The following SUPT5H variants were observed in gnomAD, a reference collection of about 807,000 sequenced individuals.
The protein encoded by SUPT5H is transcription elongation factor SPT5.
SUPT5H carries 24 observed loss-of-function variants against 142.5 expected under a neutral mutation model. The observed-to-expected ratio is 0.17, with a 90% confidence interval of 0.12 to 0.24. The LOEUF (loss-of-function observed/expected upper bound fraction) is 0.24. SUPT5H is among the 10% of genes least tolerant of loss of function. The pLI is 1.00. For missense variants in SUPT5H, 893 were observed against 1,471.8 expected (o/e 0.61, Z 6.43); for synonymous variants, 546 against 553.0 (o/e 0.99, Z 0.18).
chr19:39,467,040 T>C (rs2079249547), intron 13 of SUPT5H: 1 of 268,198 alleles, frequency 3.7e-6, no homozygotes, highest in Admixed American at 4.9e-5. Flanking sequence ...GATCCCATCT[T>C]TTAAAATAAT....
chr19:39,451,529 G>A (rs184859590), intron 2 of SUPT5H, among the ~76,000 whole-genome samples: 2 of 151,894 alleles, frequency 1.3e-5, no homozygotes, highest in East Asian at 3.9e-4. Context: ...TCAGATTTCA[G>A]TTTTTTGTTT....
At chr19:39,460,744 C>G (rs1413064209) in intron 10 of SUPT5H, among the ~76,000 whole-genome samples, 1 of 152,150 alleles carries the variant, frequency 6.6e-6, no homozygotes, top group African/African-American at 2.4e-5. Context: ...TTATGTCCAG[C>G]TCTCAGCTAG....
chr19:39,445,791 TTTC>T lies in SUPT5H; in HGVS notation c.-87-8_-87-6del. On this transcript the variant is annotated splice_polypyrimidine_tract_variant and intron_variant, in intron 1 of 29. Transcript: ENST00000432763. Reference sequence around the variant, plus strand: ...GCCTGCCGGAAGCGCCCTAAGGGGTTTTCTTCTCCCAGGGAACCAGCGGGGAAA... The same window carrying T: ...GCCTGCCGGAAGCGCCCTAAGGGGTTTTCTCCCAGGGAACCAGCGGGGAAA... 1 of 1,460,072 alleles carries T rather than the reference TTTC, an allele frequency of 6.8e-7. No individual in the cohort carries two copies. The highest frequency in any genetic ancestry group is 9.4e-7 in the Non-Finnish European group (1 of 1,066,242). 90.4% of individuals were successfully genotyped at this position (1,460,072 alleles called of 1,614,324 possible). A position where few individuals can be genotyped will look rare whatever the true frequency, so the allele number is the denominator to read the frequency against.
chr19:39,446,360 G>A (rs2078954546), intron 2 of SUPT5H, among the ~76,000 whole-genome samples: 1 of 152,166 alleles, frequency 6.6e-6, no homozygotes, highest in Non-Finnish European at 1.5e-5. Flanking sequence ...CTTCGGGAAT[G>A]TAAATAAATA....
chr19:39,470,673 C>T lies in SUPT5H; in HGVS notation c.1677+150C>T. ...ACATCTGAATGGCTGATAGTGGGCA[C>T]ATGGCAAGTCATTGATCCCTCCCCT... is the stretch of plus-strand genomic sequence containing the variant. On this transcript the variant is annotated intron_variant, in intron 18 of 29. Coordinates refer to ENST00000432763, the MANE Select transcript of SUPT5H (RefSeq NM_001111020.3). The surrounding 1 kb of genome is among the most constrained non-coding windows in gnomAD (Gnocchi z 5.8). 1 of 862,862 alleles carries T rather than the reference C, an allele frequency of 1.2e-6. No homozygotes were observed. Among genetic ancestry groups the T allele is most frequent in the South Asian group, 2.4e-5 (1 of 42,004 alleles). The allele number at this position is 862,862 out of a possible 1,614,324, so 53.5% of individuals were successfully genotyped here. A position where few individuals can be genotyped will look rare whatever the true frequency, so the allele number is the denominator to read the frequency against.
intron 4 of SUPT5H, 129 bp downstream of exon 4, chr19:39,457,869 C>T (rs1212431251): frequency 6.8e-7 from 1 of 1,470,866 alleles, no homozygotes; most frequent in Non-Finnish European, 9.2e-7. Flanking sequence ...TTGCTTCTTT[C>T]TGTCCTTCCC....
chr19:39,458,127 C>T lies in SUPT5H; in HGVS notation c.308-167C>T, dbSNP rs1162021582. On this transcript the variant is annotated intron_variant, in intron 4 of 29. Transcript: ENST00000432763. The surrounding 1 kb of genome is among the most constrained non-coding windows in gnomAD (Gnocchi z 4.2). ...TTCTCCCCAACCACCTGGTGCCTGGCCTTTACTTTTGGTTTTCAACCTTTC... is the reference window on the plus strand; with the variant it reads ...TTCTCCCCAACCACCTGGTGCCTGGTCTTTACTTTTGGTTTTCAACCTTTC... 9.9e-5 allele frequency: 118 copies of T among 1,197,754 alleles called. No individual in the cohort carries two copies. Among genetic ancestry groups the T allele is most frequent in the Non-Finnish European group, 1.4e-4 (118 of 872,658 alleles). 74.2% of individuals were successfully genotyped at this position (1,197,754 alleles called of 1,614,324 possible). A position where few individuals can be genotyped will look rare whatever the true frequency, so the allele number is the denominator to read the frequency against.
intron 11 of SUPT5H, among the ~76,000 whole-genome samples, chr19:39,465,538 A>C (rs2079223705): frequency 6.6e-6 from 1 of 152,240 alleles, no homozygotes; most frequent in Non-Finnish European, 1.5e-5. Flanking sequence ...ATGTTTCCCC[A>C]GGGGACATTT....
At chr19:39,456,400 G>GTTT (rs1555742917) in intron 3 of SUPT5H, among the ~76,000 whole-genome samples, 3 of 81,546 alleles carry the variant, frequency 3.7e-5, no homozygotes, top group East Asian at 6.5e-4. Flanking sequence ...TGACTAGACT[G>GTTT]TTTTTTTTTG....
Position 39,458,474 on chromosome 19 carries a change from C to A in SUPT5H, c.319+169C>A. The A allele has an allele frequency of 1.6e-6, 2 of 1,248,152 alleles. No homozygotes were observed. Among genetic ancestry groups the A allele is most frequent in the Admixed American group, 2.2e-5 (1 of 44,662 alleles). The allele number at this position is 1,248,152 out of a possible 1,614,324, so 77.3% of individuals were successfully genotyped here. On this transcript the variant is annotated intron_variant, in intron 5 of 29. Coordinates refer to ENST00000432763, the MANE Select transcript of SUPT5H (RefSeq NM_001111020.3). The surrounding 1 kb of genome is among the most constrained non-coding windows in gnomAD (Gnocchi z 4.2). The stretch of plus-strand genomic sequence containing the variant: ...CAGGGAGTTCTGGGGCCAGGTATAC[C>A]CCAGTTGTTGACCTGGGAAAGCACG...
rs1831381556 is a variant in SUPT5H, at chr19:39,472,708, A to AC, written c.2036-99dup. 4 of 1,494,342 alleles carry AC rather than the reference A, an allele frequency of 2.7e-6. No individual in the cohort carries two copies. In the African/African-American group the frequency reaches 4.2e-5, roughly 16 times the overall value. 92.6% of individuals were successfully genotyped at this position (1,494,342 alleles called of 1,614,324 possible). On this transcript the variant is annotated intron_variant, in intron 21 of 29. Transcript: ENST00000432763. This position sits in a 1 kb window ranked among gnomAD's most constrained non-coding sequence, Gnocchi z 4.2. ...CAGGGGTGGGCAGAGGAGGCTCTTA[A>AC]CCCAAGTAGGGAGGAGTCAAGCAAG...
At position 39,473,348 on chromosome 19, in the gene SUPT5H, A is replaced by C; in HGVS notation, c.2386+18A>C. 1 of 1,613,520 alleles carries C rather than the reference A, an allele frequency of 6.2e-7. No individual in the cohort carries two copies. Among genetic ancestry groups the C allele is most frequent in the Non-Finnish European group, 8.5e-7 (1 of 1,179,876 alleles). On this transcript the variant is annotated intron_variant, in intron 24 of 29. Transcript: ENST00000432763. The surrounding 1 kb of genome is among the most constrained non-coding windows in gnomAD (Gnocchi z 5.8). ...CCAGGATGGTGAGTGCCCGCAGGGGACAGGGAAGAGGGGCTAGGGGGACCT... is the reference window on the plus strand; with the variant it reads ...CCAGGATGGTGAGTGCCCGCAGGGGCCAGGGAAGAGGGGCTAGGGGGACCT...
chr19:39,471,381 G>A lies in SUPT5H; in HGVS notation c.1702G>A (p.Val568Met), dbSNP rs545987507. Residue 568 changes from valine (V) to methionine (M), a missense_variant, in exon 19 of 30, where the codon GTG (valine) becomes ATG (methionine). Coordinates refer to ENST00000432763, the MANE Select transcript of SUPT5H (RefSeq NM_001111020.3). The stretch of plus-strand genomic sequence containing the variant: ...GGTGCTGAACATGTACGGGAAGGTG[G>A]TGACTGTCAGACATCAGGCTGTGAC... ...FQVLNMYGKV[V>M]TVRHQAVTRK... 4.3e-6 allele frequency: 7 copies of A among 1,614,218 alleles called. No individual in the cohort carries two copies. The highest frequency in any genetic ancestry group is 5.9e-6 in the Non-Finnish European group (7 of 1,180,046).
rs766297953 is a variant in SUPT5H at position 39,473,233 on chromosome 19, G to A, written c.2289G>A (p.Ser763=). 1.8e-5 allele frequency: 29 copies of A among 1,613,226 alleles called. No individual in the cohort carries two copies. The highest frequency in any genetic ancestry group is 2.7e-5 in the African/African-American group (2 of 74,900). Residue 763 remains serine, a synonymous_variant, in exon 24 of 30, where the codon TCG becomes TCA. Transcript: ENST00000432763. The surrounding 1 kb of genome is among the most constrained non-coding windows in gnomAD (Gnocchi z 5.8). ...VGSRRPGGMT[S]TYGRTPMYGS... ...CACGGCGCCCGGGCGGCATGACCTC[G>A]ACCTATGGGAGGACGCCCATGTATG... is the stretch of plus-strand genomic sequence containing the variant.
At chr19:39,459,413 T>TG in intron 8 of SUPT5H, 146 bp from the exon 9 acceptor site, 1 of 1,323,662 alleles carries the variant, frequency 7.6e-7, no homozygotes, top group South Asian at 1.3e-5. Context: ...TCTTTCCTCT[T>TG]GCTCCTGGGT....
At position 39,457,582 on chromosome 19, in the gene SUPT5H, T is replaced by G. The variant is rs2079106429; in HGVS notation, c.242-93T>G. On this transcript the variant is annotated intron_variant, in intron 3 of 29. Coordinates refer to ENST00000432763, the MANE Select transcript of SUPT5H (RefSeq NM_001111020.3). The stretch of plus-strand genomic sequence containing the variant: ...GTGTCCTGCTCTGTGCGGTGGGGAT[T>G]TGTAGTGCACATCTCCCAGAGGAGA... The G allele has an allele frequency of 1.0e-5, 16 of 1,555,674 alleles. No individual in the cohort carries two copies. In the Admixed American group the frequency reaches 2.8e-4, roughly 28 times the overall value.
chr19:39,470,161 A>G lies in SUPT5H; in HGVS notation c.1417A>G (p.Lys473Glu). 1 of 1,613,122 alleles carries G rather than the reference A, an allele frequency of 6.2e-7. No individual in the cohort carries two copies. Among genetic ancestry groups the G allele is most frequent in the Non-Finnish European group, 8.5e-7 (1 of 1,179,498 alleles). The change falls in exon 17 of 30, where the codon AAG (lysine) becomes GAG (glutamate). Residue 473 changes from lysine (K) to glutamate (E), a missense_variant. Coordinates refer to ENST00000432763, the MANE Select transcript of SUPT5H (RefSeq NM_001111020.3). This position sits in a 1 kb window ranked among gnomAD's most constrained non-coding sequence, Gnocchi z 5.8. Reference sequence around the variant, plus strand: ...AGCCCAGGAACTTAGAAAATACTTCAAGATGGGGGACCACGTGAAGGTGAT... The same window carrying G: ...AGCCCAGGAACTTAGAAAATACTTCGAGATGGGGGACCACGTGAAGGTGAT... ...FPAQELRKYF[K>E]MGDHVKVIAG...
chr19:39,449,535 G>A (rs1286452431), intron 2 of SUPT5H, among the ~76,000 whole-genome samples: 1 of 152,176 alleles, frequency 6.6e-6, no homozygotes, highest in Admixed American at 6.5e-5. Flanking sequence ...GCTCACAGTG[G>A]TCAGGGCTGT....
intron 9 of SUPT5H, 81 bp from the exon 10 acceptor site, chr19:39,459,811 C>T (rs962589717): frequency 2.7e-6 from 4 of 1,493,418 alleles, no homozygotes; most frequent in Non-Finnish European, 2.8e-6. Context: ...CTTTATTTTT[C>T]TTGCTGCTGT....
Sources: allele counts gnomAD v4.1 joint callset (sites outside exome capture counted in the v4.1 genomes callset), GRCh38; gene constraint gnomAD v4.1.1; non-coding constraint Gnocchi (gnomAD v3.1); transcripts MANE v1.5; gene names NCBI Gene and HGNC (gene_info 2026-07-23, HGNC 2026-07-21).